Variants in AFAP1 observed in about 807,000 individuals in gnomAD.
The protein encoded by AFAP1 is actin filament-associated protein 1.
A neutral mutation model predicts 93.9 loss-of-function variants in AFAP1; 75 were observed. The observed-to-expected ratio is 0.80, with a 90% CI of 0.66 to 0.97. The LOEUF is 0.97. Among genes scored for constraint, AFAP1 ranks in the 50% least tolerant of loss-of-function variants. The pLI, the probability that AFAP1 is intolerant of heterozygous loss-of-function variation, is 0.00. For missense variants in AFAP1, 1,201 were observed against 1,050.8 expected, an observed-to-expected ratio of 1.14 and a Z score of -1.98; for synonymous variants, 517 against 430.7, an observed-to-expected ratio of 1.20 and a Z score of -2.48.
chr4:7,937,089 A>C (rs990043957), intron 1 of AFAP1, among the ~76,000 whole-genome samples: 1 of 148,400 alleles, frequency 6.7e-6, no homozygotes, highest in African/African-American at 2.6e-5. Flanking sequence ...AGAAAAAAAC[A>C]AACCAATTGG....
chr4:7,827,073 G>A (rs1428008870), intron 6 of AFAP1, among the ~76,000 whole-genome samples: 3 of 152,190 alleles, frequency 2.0e-5, no homozygotes, highest in Admixed American at 2.0e-4. Context: ...AATGCCAGAA[G>A]TGAAAAATGG....
chr4:7,910,848 GAC>G (rs1380391430), intron 1 of AFAP1, among the ~76,000 whole-genome samples: 13 of 152,216 alleles, frequency 8.5e-5, no homozygotes, highest in African/African-American at 3.1e-4. Context: ...GGGAGGTTGA[GAC>G]ACGTATTCCC....
Position 7,853,976 on chromosome 4 carries a change from C to T in AFAP1, c.334+1490G>A, listed in dbSNP as rs551442232. Among the ~76,000 whole-genome samples, 11 of 152,174 alleles carry T rather than the reference C, an allele frequency of 7.2e-5. No individual in the cohort carries two copies. In the South Asian group the frequency reaches 8.3e-4, roughly 11 times the overall value. ...TGAAGGGGCCGTGACCTGCCAGCTA[C>T]GTGCAGCTCCTCAGAATAAAAATGA... On this transcript the variant is annotated intron_variant, in intron 4 of 17. Coordinates refer to ENST00000420658, the MANE Select transcript of AFAP1 (RefSeq NM_001134647.2).
chr4:7,905,545 T>A (rs754125297), intron 1 of AFAP1, among the ~76,000 whole-genome samples: 5 of 152,222 alleles, frequency 3.3e-5, no homozygotes, highest in Non-Finnish European at 5.9e-5. Context: ...GAGAAACAGG[T>A]CAACTTTTCT....
At position 7,786,202 on chromosome 4, in the gene AFAP1, T is replaced by C; in HGVS notation, c.1522A>G (p.Asn508Asp). Residue 508 changes from asparagine to aspartate, a missense_variant, in exon 12 of 18, where the codon AAC becomes GAC. Asn to Asp is a conservative substitution (Grantham distance 23). Coordinates refer to ENST00000420658, the MANE Select transcript of AFAP1 (RefSeq NM_001134647.2). ...AAAAAAAGGGCACTCACCGAGCCGT[T>C]GATGCACGGGACATCGTCATAATGA... ...ALHYDDVPCI[N>D]GSWEPEDGFP... 1 of 1,613,728 alleles carries C rather than the reference T, an allele frequency of 6.2e-7. No homozygotes were observed. Among genetic ancestry groups the C allele is most frequent in the African/African-American group, 1.3e-5 (1 of 75,002 alleles).
At chr4:7,912,269 A>G (rs926462920) in intron 1 of AFAP1, among the ~76,000 whole-genome samples, 59 of 152,184 alleles carry the variant, frequency 3.9e-4, no homozygotes, top group African/African-American at 1.3e-3. Flanking sequence ...ACAGATACAT[A>G]TGGCTTTTGT....
At chr4:7,794,817 T>C (rs546829668) in intron 10 of AFAP1, among the ~76,000 whole-genome samples, 2 of 152,292 alleles carry the variant, frequency 1.3e-5, no homozygotes, top group South Asian at 4.1e-4. Context: ...TGAGCCACCA[T>C]GCCCAGCTTT....
At position 7,872,166 on chromosome 4, in the gene AFAP1, C is replaced by T. The variant is rs533025708; in HGVS notation, c.-2-86G>A. The T allele has an allele frequency of 2.5e-5, 38 of 1,525,364 alleles. No individual in the cohort carries two copies. The African/African-American group carries it at 4.4e-4, about 18-fold the overall frequency. The allele number at this position is 1,525,364 out of a possible 1,614,324, so 94.5% of individuals were successfully genotyped here. On this transcript the variant is annotated intron_variant, in intron 1 of 17. Coordinates refer to ENST00000420658, the MANE Select transcript of AFAP1 (RefSeq NM_001134647.2). ...ATACTGAGTCTTACTCGAAGCATTT[C>T]ATGTTTAGCTTGATCATTGGATATA...
intron 3 of AFAP1, among the ~76,000 whole-genome samples, chr4:7,864,308 T>A (rs1441196014): frequency 6.6e-6 from 1 of 152,166 alleles, no homozygotes; most frequent in Non-Finnish European, 1.5e-5. Flanking sequence ...TTGCTTTAAT[T>A]TACAGCACAC....
chr4:7,852,912 T>C (rs1330241008), intron 4 of AFAP1, among the ~76,000 whole-genome samples: 2 of 152,146 alleles, frequency 1.3e-5, no homozygotes, highest in African/African-American at 4.8e-5. Context: ...TAGAAGAGAA[T>C]GGATGTGACC....
chr4:7,905,896 G>A (rs1334720023), intron 1 of AFAP1, among the ~76,000 whole-genome samples: 1 of 152,186 alleles, frequency 6.6e-6, no homozygotes, highest in Non-Finnish European at 1.5e-5. Flanking sequence ...CAGGCATAAG[G>A]GGGCTCCATG....
chr4:7,939,715 C>G lies in AFAP1; in HGVS notation c.-62G>C, dbSNP rs1017232328. On this transcript the variant is annotated 5_prime_UTR_variant, in exon 1 of 18. Transcript: ENST00000420658. This position sits in a 1 kb window ranked among gnomAD's most constrained non-coding sequence, Gnocchi z 5.6. The stretch of plus-strand genomic sequence containing the variant: ...CGCGGCGCCTGGGCCGACTGGAGCG[C>G]AGCTGAACAGCCGACAGAGCCGCAG... 1 of 414,018 alleles carries G rather than the reference C, an allele frequency of 2.4e-6. No homozygotes were observed. The allele number at this position is 414,018 out of a possible 1,614,324, so 25.6% of individuals were successfully genotyped here.
intron 11 of AFAP1, among the ~76,000 whole-genome samples, chr4:7,787,749 A>T (rs532415402): frequency 1.3e-5 from 2 of 152,216 alleles, no homozygotes; most frequent in South Asian, 4.1e-4. Context: ...CAACACCCCC[A>T]GGGGCTTCTG....
Position 7,820,689 on chromosome 4 carries a change from G to A in AFAP1, c.727-1518C>T, listed in dbSNP as rs542171946. On this transcript the variant is annotated intron_variant, in intron 6 of 17. Transcript: ENST00000420658. ...GAGGAGGAGATGAGCAAAGGAAGGC[G>A]TTTCCAAAGTGTTCCTTCTCCTGCT... is the stretch of plus-strand genomic sequence containing the variant. Among the ~76,000 whole-genome samples the A allele has an allele frequency of 7.9e-5, 12 of 152,250 alleles. No individual in the cohort carries two copies. In the South Asian group the frequency reaches 2.1e-3, roughly 26 times the overall value.
chr4:7,841,720 T>C (rs1257663460), intron 5 of AFAP1, among the ~76,000 whole-genome samples: 1 of 152,208 alleles, frequency 6.6e-6, no homozygotes, highest in Non-Finnish European at 1.5e-5. Context: ...GTCAATAACT[T>C]TGATTCTGCA....
intron 1 of AFAP1, among the ~76,000 whole-genome samples, chr4:7,890,632 TA>T (rs1718416644): frequency 6.6e-6 from 1 of 151,970 alleles, no homozygotes. Flanking sequence ...AACAACCTAA[TA>T]AAAAATGGGC....
At position 7,884,345 on chromosome 4, in the gene AFAP1, ATTTTG is replaced by A. The variant is rs576095510; in HGVS notation, c.-2-12270_-2-12266del. 3.3e-3 allele frequency among the ~76,000 whole-genome samples: 496 copies of A among 152,306 alleles called. 5 individuals are homozygous for A. The highest frequency in any genetic ancestry group is 0.011 in the African/African-American group (469 of 41,566). ...ATAGGCCTAACCCGTATATCAACAA[ATTTTG>A]TTTTGTTTTGTTTCTGGAACTAAAC... On this transcript the variant is annotated intron_variant, in intron 1 of 17. Coordinates refer to ENST00000420658, the MANE Select transcript of AFAP1 (RefSeq NM_001134647.2).
intron 14 of AFAP1, chr4:7,777,124 G>C (rs1716213777): frequency 6.6e-6 from 1 of 152,184 alleles, no homozygotes; most frequent in Non-Finnish European, 1.5e-5. Context: ...GTGGGACTCC[G>C]ATTTTGCTTG....
intron 1 of AFAP1, among the ~76,000 whole-genome samples, chr4:7,900,882 C>A (rs987663072): frequency 5.3e-5 from 8 of 152,158 alleles, no homozygotes; most frequent in African/African-American, 1.9e-4. Flanking sequence ...CAAGAAACTG[C>A]TAGGTTCAAA....
Sources: allele counts gnomAD v4.1 joint callset (sites outside exome capture counted in the v4.1 genomes callset), GRCh38; gene constraint gnomAD v4.1.1; non-coding constraint Gnocchi (gnomAD v3.1); transcripts MANE v1.5; gene names NCBI Gene and HGNC (gene_info 2026-07-23, HGNC 2026-07-21).